SYNPO: variants seen among roughly 807,000 people sequenced by gnomAD.
The protein encoded by SYNPO is synaptopodin.
SYNPO carries 19 observed loss-of-function variants against 49.5 expected under a neutral mutation model. The observed-to-expected ratio is 0.38, with a 90% CI of 0.27 to 0.56. SYNPO has a LOEUF of 0.56. SYNPO is among the 20% of genes least tolerant of loss of function. SYNPO has a pLI of 0.68. For missense variants in SYNPO, 1,131 were observed against 1,248.3 expected, an observed-to-expected ratio of 0.91 and a Z score of 1.42; for synonymous variants, 536 against 548.0, an observed-to-expected ratio of 0.98 and a Z score of 0.31.
upstream of SYNPO, among the ~76,000 whole-genome samples, chr5:150,637,485 C>T (rs187868262): frequency 3.9e-5 from 6 of 152,296 alleles, no homozygotes; most frequent in Admixed American, 6.5e-5. Context: ...TGATTGCACC[C>T]GGCCCCTGAG....
chr5:150,637,715 TGC>T (rs1250553391), upstream of SYNPO, among the ~76,000 whole-genome samples: 1 of 152,238 alleles, frequency 6.6e-6, no homozygotes, highest in Admixed American at 6.5e-5. Context: ...TCGTTCCTCC[TGC>T]GTTTTTTCTT....
intron 1 of SYNPO, among the ~76,000 whole-genome samples, chr5:150,607,994 G>A (rs116400194): frequency 0.013 from 1,906 of 152,362 alleles, 42 homozygotes; most frequent in African/African-American, 0.043. Context: ...CATTTCAAGT[G>A]CTCAGTAGTG....
chr5:150,651,314 C>T (rs1581517729), intron 2 of SYNPO: 1 of 1,000,696 alleles, frequency 1.0e-6, no homozygotes, highest in Non-Finnish European at 1.2e-6. Flanking sequence ...GTCACCTTCT[C>T]ATTTGCTGTG....
Position 150,657,089 on chromosome 5 carries a change from G to GGGC in SYNPO, c.*2_*3insGGC. 6.4e-7 allele frequency: 1 copy of GGGC among 1,574,732 alleles called. No individual in the cohort carries two copies. Among genetic ancestry groups the GGGC allele is most frequent in the Non-Finnish European group, 8.6e-7 (1 of 1,159,980 alleles). ...GCCGAGGCCTCCTGCACCACCTAGAGCCCCACCCCCGACCCCACCCCGGGA... is the reference window on the plus strand; with the variant it reads ...GCCGAGGCCTCCTGCACCACCTAGAGGGCCCCCACCCCCGACCCCACCCCGGGA... On this transcript the variant is annotated 3_prime_UTR_variant, in exon 3 of 3. Transcript: ENST00000307662.
chr5:150,649,175 G>C lies in SYNPO; in HGVS notation c.900G>C (p.Met300Ile). 3 of 1,614,118 alleles carry C rather than the reference G, an allele frequency of 1.9e-6. No homozygotes were observed. Residue 300 changes from methionine to isoleucine, a missense_variant, in exon 2 of 3, where the codon ATG (methionine) becomes ATC (isoleucine). Transcript: ENST00000307662. ...GCCCCATGGTGGAAAGGAGGATGATGGGGCAGCGAAGCCCGGCCTCAGAGA... is the reference window on the plus strand; with the variant it reads ...GCCCCATGGTGGAAAGGAGGATGATCGGGCAGCGAAGCCCGGCCTCAGAGA... ...SRSPMVERRM[M>I]GQRSPASERR...
chr5:150,595,486 C>T, the SYNPO span, among the ~76,000 whole-genome samples: 1 of 152,136 alleles, frequency 6.6e-6, no homozygotes, highest in South Asian at 2.1e-4. Flanking sequence ...CTGACAGTTT[C>T]GGCATAGGCC....
chr5:150,628,255 T>C (rs1483936301), intron 2 of SYNPO, among the ~76,000 whole-genome samples: 3 of 152,158 alleles, frequency 2.0e-5, no homozygotes, highest in Non-Finnish European at 2.9e-5. Flanking sequence ...TAGCTTCAGC[T>C]TTTCCACTCG....
chr5:150,601,349 A>G (rs1398674677), intron 1 of SYNPO, among the ~76,000 whole-genome samples: 4 of 152,084 alleles, frequency 2.6e-5, no homozygotes, highest in African/African-American at 9.7e-5. Context: ...TGGGACGGAA[A>G]TGCCAGCTCT....
intron 2 of SYNPO, chr5:150,651,479 G>C (rs1406392819): frequency 2.0e-6 from 2 of 1,000,624 alleles, no homozygotes; most frequent in East Asian, 2.3e-4. Flanking sequence ...TGGGAAGAAA[G>C]AGAAAGGAAA....
Position 150,656,627 on chromosome 5 carries a change from G to T in SYNPO, c.2252G>T (p.Arg751Leu), listed in dbSNP as rs560859730. Reference sequence around the variant, plus strand: ...GAGACCGAGGCGCGGCCCCCCAGCCGCCAGCTGCAGGCGCTTCTGGCGCGA... The same window carrying T: ...GAGACCGAGGCGCGGCCCCCCAGCCTCCAGCTGCAGGCGCTTCTGGCGCGA... The part of the protein sequence containing the change: ...RPETEARPPS[R>L]QLQALLARNI... Residue 751 changes from arginine to leucine, a missense_variant, in exon 3 of 3, where the codon CGC becomes CTC. Transcript: ENST00000307662. The T allele has an allele frequency of 6.6e-7, 1 of 1,510,158 alleles. No homozygotes were observed. Among genetic ancestry groups the T allele is most frequent in the South Asian group, 1.2e-5 (1 of 81,342 alleles). The allele number at this position is 1,510,158 out of a possible 1,614,324, so 93.5% of individuals were successfully genotyped here.
At chr5:150,625,119 G>A (rs1326205511) in intron 2 of SYNPO, among the ~76,000 whole-genome samples, 19 of 152,212 alleles carry the variant, frequency 1.2e-4, no homozygotes, top group Admixed American at 1.1e-3. Flanking sequence ...CGAGGCTTTC[G>A]AGCAGCTGAG....
rs114710798 is a variant in SYNPO, at chr5:150,618,184, T to C, written c.-184T>C. 4.0e-3 allele frequency: 2,786 copies of C among 693,734 alleles called. 51 individuals carry two copies. In the African/African-American group the frequency reaches 0.042, roughly 11 times the overall value. The allele number at this position is 693,734 out of a possible 1,614,324, so 43.0% of individuals were successfully genotyped here. ...ACCACTCCACTAGCCCAGGAAGGAC[T>C]TATCTTTCGTCTCAGCCAGACCTCA... On this transcript the variant is annotated 5_prime_UTR_variant, in exon 2 of 3. Coordinates refer to the SYNPO transcript ENST00000394243.
At chr5:150,602,307 C>T (rs1329005758) in intron 1 of SYNPO, among the ~76,000 whole-genome samples, 2 of 152,194 alleles carry the variant, frequency 1.3e-5, no homozygotes, top group African/African-American at 4.8e-5. Context: ...GGCCTGTTTC[C>T]CTATCCCCAC....
upstream of SYNPO, among the ~76,000 whole-genome samples, chr5:150,599,652 A>G (rs1756486527): frequency 6.6e-6 from 1 of 152,162 alleles, no homozygotes; most frequent in Non-Finnish European, 1.5e-5. Context: ...AGAGTCCCTG[A>G]GAAGACATCT....
the SYNPO span, among the ~76,000 whole-genome samples, chr5:150,587,327 T>C: frequency 6.6e-6 from 1 of 152,046 alleles, no homozygotes; most frequent in African/African-American, 2.4e-5. Flanking sequence ...GAATGCTGCA[T>C]GTAGGTATAT....
intron 1 of SYNPO, among the ~76,000 whole-genome samples, chr5:150,646,890 T>C (rs1403081645): frequency 6.6e-6 from 1 of 152,186 alleles, no homozygotes; most frequent in East Asian, 1.9e-4. Context: ...CATTCAGCAA[T>C]ATCTACCGAG....
intron 1 of SYNPO, chr5:150,614,450 A>AGGTGAAGGGGAG (rs1756931306): frequency 6.6e-6 from 1 of 152,256 alleles, no homozygotes; most frequent in African/African-American, 2.4e-5. Flanking sequence ...ACTCATGCAG[A>AGGTGAAGGGGAG]GGTGAAGGGG....
chr5:150,610,593 A>C (rs1756819097), intron 1 of SYNPO, among the ~76,000 whole-genome samples: 1 of 152,248 alleles, frequency 6.6e-6, no homozygotes, highest in Admixed American at 6.5e-5. Flanking sequence ...AGCTCTTGTA[A>C]TGCCCTCAGT....
At chr5:150,604,174 C>T (rs1452563635) in intron 1 of SYNPO, among the ~76,000 whole-genome samples, 1 of 152,234 alleles carries the variant, frequency 6.6e-6, no homozygotes, top group Non-Finnish European at 1.5e-5. Flanking sequence ...CAAGGGCAAA[C>T]AGAGATCTGC....
Sources: allele counts gnomAD v4.1 joint callset (sites outside exome capture counted in the v4.1 genomes callset), GRCh38; gene constraint gnomAD v4.1.1; transcripts MANE v1.5; gene names NCBI Gene and HGNC (gene_info 2026-07-23, HGNC 2026-07-21).